Variants in CCDC178 observed in about 807,000 individuals in gnomAD.
The protein encoded by CCDC178 is coiled-coil domain containing 178, also known as coiled-coil domain-containing protein 178.
CCDC178 carries 126 observed loss-of-function variants against 117.4 expected under a neutral mutation model. The ratio of observed to expected loss-of-function variants is 1.07; its 90% CI spans 0.93 to 1.24. The LOEUF (loss-of-function observed/expected upper bound fraction) is 1.24, where lower values mean the gene tolerates loss of function less well. Ranked by LOEUF, CCDC178 falls within the 50% of genes most tolerant of loss-of-function variation. The pLI, the probability that CCDC178 is intolerant of heterozygous loss-of-function variation, is 0.00. For synonymous variants in CCDC178, 283 were observed against 313.4 expected (o/e 0.90, Z 1.02); for missense variants, 1,030 against 986.9 (o/e 1.04, Z -0.59).
intron 14 of CCDC178, among the ~76,000 whole-genome samples, chr18:33,248,841 C>G (rs1405895385): frequency 6.6e-6 from 1 of 152,126 alleles, no homozygotes; most frequent in South Asian, 2.1e-4. Context: ...GGAATCGCCA[C>G]ACTGTCTTCC....
chr18:33,128,856 T>C (rs377503306), intron 20 of CCDC178, among the ~76,000 whole-genome samples: 1 of 152,168 alleles, frequency 6.6e-6, no homozygotes, highest in East Asian at 1.9e-4. Context: ...GATTGCACCA[T>C]TTCAAATGCA....
chr18:33,217,954 C>G (rs1410288662), intron 18 of CCDC178, among the ~76,000 whole-genome samples: 1 of 151,994 alleles, frequency 6.6e-6, no homozygotes, highest in Non-Finnish European at 1.5e-5. Context: ...GAGGTAATAG[C>G]ACACTCTTCA....
intron 20 of CCDC178, among the ~76,000 whole-genome samples, chr18:33,102,151 TA>T (rs1242581331): frequency 5.3e-5 from 8 of 151,872 alleles, no homozygotes; most frequent in Admixed American, 4.6e-4. Context: ...AATAAAAATT[TA>T]AAAAAATTTT....
At chr18:33,367,582 T>C (rs1387398463) in intron 6 of CCDC178, among the ~76,000 whole-genome samples, 1 of 151,992 alleles carries the variant, frequency 6.6e-6, no homozygotes, top group Non-Finnish European at 1.5e-5. Flanking sequence ...GAAGATTTTT[T>C]TCTTATTGTG....
At chr18:33,011,074 A>G (rs950699654) in intron 21 of CCDC178, among the ~76,000 whole-genome samples, 5 of 152,178 alleles carry the variant, frequency 3.3e-5, no homozygotes, top group Non-Finnish European at 7.4e-5. Flanking sequence ...AGTCTTGGGA[A>G]TGAATATCAT....
At chr18:33,306,749 C>T (rs983111132) in intron 11 of CCDC178, among the ~76,000 whole-genome samples, 1 of 151,852 alleles carries the variant, frequency 6.6e-6, no homozygotes, top group African/African-American at 2.4e-5. Flanking sequence ...TGTGTCCCCA[C>T]CCAAATCTCA....
chr18:33,290,010 CA>C (rs1466600943), intron 12 of CCDC178, among the ~76,000 whole-genome samples: 2 of 151,994 alleles, frequency 1.3e-5, no homozygotes, highest in Non-Finnish European at 2.9e-5. Flanking sequence ...CTTATGGCTT[CA>C]AAATTCATAA....
intron 21 of CCDC178, chr18:32,983,179 T>C (rs1225545310): frequency 3.0e-6 from 2 of 664,870 alleles, no homozygotes; most frequent in African/African-American, 3.6e-5. Context: ...GGAGTGGGAA[T>C]TGGGAGTAGG....
At chr18:33,272,870 A>G (rs202090470) in intron 12 of CCDC178, among the ~76,000 whole-genome samples, 52 of 151,480 alleles carry the variant, frequency 3.4e-4, no homozygotes, top group Admixed American at 3.3e-3. Context: ...AAAATTCAGT[A>G]AACTAACAAT....
chr18:32,972,493 T>G (rs983626416), intron 22 of CCDC178, among the ~76,000 whole-genome samples: 2 of 152,034 alleles, frequency 1.3e-5, no homozygotes, highest in Non-Finnish European at 2.9e-5. Flanking sequence ...GATTGTCTTG[T>G]CTCTACGGGC....
chr18:33,303,585 G>A (rs1288668348), intron 11 of CCDC178, among the ~76,000 whole-genome samples: 1 of 151,890 alleles, frequency 6.6e-6, no homozygotes, highest in Non-Finnish European at 1.5e-5. Flanking sequence ...ACAGTATGGG[G>A]GATGAGGAGA....
intron 3 of CCDC178, among the ~76,000 whole-genome samples, chr18:33,407,431 T>C (rs2063796072): frequency 6.6e-6 from 1 of 152,072 alleles, no homozygotes; most frequent in Admixed American, 6.6e-5. Context: ...AAGGTAATAA[T>C]ATCCCAAATT....
chr18:33,072,487 A>G (rs2057126422), intron 21 of CCDC178, among the ~76,000 whole-genome samples: 1 of 152,130 alleles, frequency 6.6e-6, no homozygotes, highest in African/African-American at 2.4e-5. Context: ...ACCTCTATTC[A>G]GTAAAAGAGA....
At chr18:33,081,283 G>T (rs1413952767) in intron 21 of CCDC178, among the ~76,000 whole-genome samples, 2 of 152,144 alleles carry the variant, frequency 1.3e-5, no homozygotes, top group South Asian at 4.1e-4. Context: ...GCATTATGTT[G>T]ACTGTTTTTT....
At chr18:33,017,927 T>C (rs1688676293) in intron 21 of CCDC178, among the ~76,000 whole-genome samples, 1 of 151,796 alleles carries the variant, frequency 6.6e-6, no homozygotes, top group African/African-American at 2.4e-5. Flanking sequence ...AAAAAAAAGA[T>C]AGATTGAAAC....
chr18:33,301,466 C>T (rs976609619), intron 11 of CCDC178, among the ~76,000 whole-genome samples: 2 of 152,212 alleles, frequency 1.3e-5, no homozygotes, highest in Non-Finnish European at 2.9e-5. Flanking sequence ...CCCTTCAGCC[C>T]CCAGAATGGT....
intron 14 of CCDC178, among the ~76,000 whole-genome samples, chr18:33,252,259 A>C (rs372434957): frequency 1.2e-4 from 18 of 151,850 alleles, no homozygotes; most frequent in African/African-American, 4.3e-4. Context: ...TGAAAATCTA[A>C]GTTCTTGCAT....
At chr18:33,243,651 CA>C (rs546184352) in intron 15 of CCDC178, among the ~76,000 whole-genome samples, 11 of 151,816 alleles carry the variant, frequency 7.2e-5, no homozygotes, top group Admixed American at 7.2e-4. Flanking sequence ...TTTATGGTAT[CA>C]AAAAAATTTA....
chr18:33,350,070 T>A (rs974580229), intron 7 of CCDC178, among the ~76,000 whole-genome samples: 2 of 152,028 alleles, frequency 1.3e-5, no homozygotes, highest in African/African-American at 4.8e-5. Flanking sequence ...ATATTTTTGT[T>A]GAAAAGTATA....
Sources: allele counts gnomAD v4.1 joint callset (sites outside exome capture counted in the v4.1 genomes callset), GRCh38; gene constraint gnomAD v4.1.1; transcripts MANE v1.5; gene names NCBI Gene and HGNC (gene_info 2026-07-23, HGNC 2026-07-21).